The following MTUS1 variants were observed in gnomAD, a reference collection of about 807,000 sequenced individuals.
MTUS1 encodes the protein microtubule-associated tumor suppressor 1.
In MTUS1, 109 loss-of-function variants were observed where a neutral mutation model predicts 120.8. The observed-to-expected ratio is 0.90, with a 90% confidence interval of 0.77 to 1.06. The LOEUF is 1.06. Ranked by LOEUF, MTUS1 falls within the 50% of genes least tolerant of loss-of-function variation. MTUS1 has a pLI of 0.00. For missense variants in MTUS1, 2,210 were observed against 1,486.3 expected (o/e 1.49, Z -8.01); for synonymous variants, 737 against 550.5 (o/e 1.34, Z -4.74).
rs555658015 is a variant in MTUS1 at position 17,666,032 on chromosome 8, C to T, written c.2905+9154G>A. 1.5e-4 allele frequency among the ~76,000 whole-genome samples: 22 copies of T among 151,184 alleles called. 1 individual carries two copies. The highest frequency in any genetic ancestry group is 6.3e-4 in the South Asian group (3 of 4,784). On this transcript the variant is annotated intron_variant, in intron 8 of 14. Coordinates refer to ENST00000693296, the MANE Select transcript of MTUS1 (RefSeq NM_001363059.2). ...CCTCCCACCCTTGAAGAGAAGCCTG[C>T]AAAGGCCATTTGCTGTTTTTCAGCT...
At position 17,684,363 on chromosome 8, in the gene MTUS1, C is replaced by A. The variant is rs1169849617; in HGVS notation, c.2803G>T (p.Ala935Ser). 6.2e-7 allele frequency: 1 copy of A among 1,614,168 alleles called. No homozygotes were observed. The highest frequency in any genetic ancestry group is 8.5e-7 in the Non-Finnish European group (1 of 1,180,006). ...LLACGNTKFE[A>S]LTVVIQHLLS... ...AGGTGCTGAATCACAACTGTCAATG[C>A]CTCAAACTTGGTATTACCACAGGCA... is the stretch of plus-strand genomic sequence containing the variant. Residue 935 changes from alanine (A) to serine (S), a missense_variant, in exon 7 of 15, where the codon GCA (alanine) becomes TCA (serine). By Grantham distance (99) the Ala-to-Ser change is moderately conservative (BLOSUM62 1). Coordinates refer to ENST00000693296, the MANE Select transcript of MTUS1 (RefSeq NM_001363059.2).
chr8:17,745,006 C>T (rs1424338757), intron 2 of MTUS1, among the ~76,000 whole-genome samples: 1 of 152,184 alleles, frequency 6.6e-6, no homozygotes, highest in African/African-American at 2.4e-5. Flanking sequence ...GTAACCCAAA[C>T]ACCTAGGCAC....
rs17689740 is a variant in MTUS1 at position 17,645,807 on chromosome 8, T to G, written c.*119A>C. ...ATTCCGCCGGTGGTGACGCTCCAGT[T>G]ACCCTACGGTGATCACACGTGTGCT... On this transcript the variant is annotated 3_prime_UTR_variant, in exon 15 of 15. Transcript: ENST00000693296. The G allele has an allele frequency of 0.07, 91,788 of 1,307,402 alleles. 3,555 individuals carry two copies. Among genetic ancestry groups the G allele is most frequent in the Non-Finnish European group, 0.076 (75,633 of 1,000,594 alleles). The allele number at this position is 1,307,402 out of a possible 1,614,324, so 81.0% of individuals were successfully genotyped here.
At chr8:17,657,206 A>G (rs73200127) in intron 8 of MTUS1, among the ~76,000 whole-genome samples, 1,692 of 149,120 alleles carry the variant, frequency 0.011, 14 homozygotes, top group Middle Eastern at 0.041. Context: ...TATCTTAGGG[A>G]AAAAAAAACA....
chr8:17,675,920 C>A, intron 7 of MTUS1: 1 of 197,114 alleles, frequency 5.1e-6, no homozygotes, highest in South Asian at 1.5e-4. Context: ...CAAGTATCAA[C>A]CTTGAGCTGA....
chr8:17,799,729 TA>T (rs1458815221), intron 1 of MTUS1, among the ~76,000 whole-genome samples: 6 of 152,188 alleles, frequency 3.9e-5, no homozygotes. Context: ...CATGATTTTC[TA>T]CCAAGCAGAT....
chr8:17,736,080 C>G (rs1341259500), intron 3 of MTUS1, among the ~76,000 whole-genome samples: 1 of 152,126 alleles, frequency 6.6e-6, no homozygotes. Flanking sequence ...AGTACACTGC[C>G]CAACACAGAG....
chr8:17,688,714 AT>A (rs1366458901), intron 6 of MTUS1, among the ~76,000 whole-genome samples: 1 of 152,228 alleles, frequency 6.6e-6, no homozygotes, highest in Non-Finnish European at 1.5e-5. Context: ...TAAAGTTACC[AT>A]TCATGTCAAT....
At position 17,743,585 on chromosome 8, in the gene MTUS1, T is replaced by TG; in HGVS notation, c.2287+18dup. 6.2e-7 allele frequency: 1 copy of TG among 1,602,164 alleles called. No individual in the cohort carries two copies. The highest frequency in any genetic ancestry group is 8.5e-7 in the Non-Finnish European group (1 of 1,172,990). On this transcript the variant is annotated intron_variant, in intron 3 of 14. Coordinates refer to ENST00000693296, the MANE Select transcript of MTUS1 (RefSeq NM_001363059.2). Reference sequence around the variant, plus strand: ...TACATTCAATTAACTCATAAACTATTGAACTATTTTATTCTTACCAGAACT... The same window carrying TG: ...TACATTCAATTAACTCATAAACTATTGGAACTATTTTATTCTTACCAGAACT...
In MTUS1 at chr8:17,756,237, C is replaced by T. The variant is rs545952818; in HGVS notation, c.-154-276G>A. On this transcript the variant is annotated intron_variant, in intron 1 of 14. Coordinates refer to ENST00000693296, the MANE Select transcript of MTUS1 (RefSeq NM_001363059.2). ...CTTTATAACTGATATGCCTCTCCCC[C>T]ACTCCCAGGGACTTGTCAAAGAGAG... 1.1e-4 allele frequency among the ~76,000 whole-genome samples: 17 copies of T among 152,296 alleles called. No homozygotes were observed. In the South Asian group the frequency reaches 2.7e-3, roughly 24 times the overall value.
chr8:17,735,424 C>T (rs2046858680), intron 3 of MTUS1, among the ~76,000 whole-genome samples: 1 of 152,300 alleles, frequency 6.6e-6, no homozygotes, highest in East Asian at 1.9e-4. Context: ...ATGTAGCACT[C>T]GTGCAAGTTT....
At chr8:17,661,784 G>T (rs542666023) in intron 8 of MTUS1, among the ~76,000 whole-genome samples, 1 of 152,296 alleles carries the variant, frequency 6.6e-6, no homozygotes, top group Non-Finnish European at 1.5e-5. Context: ...ATAGTCCAAA[G>T]CAGCAGGCCC....
intron 4 of MTUS1, chr8:17,722,714 T>C: frequency 9.5e-6 from 2 of 209,542 alleles, no homozygotes; most frequent in Non-Finnish European, 1.7e-5. Context: ...AGTGACAACA[T>C]CTCTGAGCCT....
chr8:17,722,222 G>T, intron 4 of MTUS1: 2 of 1,003,924 alleles, frequency 2.0e-6, no homozygotes, highest in Non-Finnish European at 2.4e-6. Context: ...ACACAGTACT[G>T]AAACGGTGGC....
At chr8:17,658,061 A>ACACACACACACACT in intron 8 of MTUS1, among the ~76,000 whole-genome samples, 1 of 147,650 alleles carries the variant, frequency 6.8e-6, no homozygotes, top group Non-Finnish European at 1.5e-5. Flanking sequence ...ACACACACAC[A>ACACACACACACACT]GAGTCTTGCT....
intron 8 of MTUS1, among the ~76,000 whole-genome samples, 188 bp from the exon 9 acceptor site, chr8:17,656,253 C>T (rs1462886105): frequency 7.9e-5 from 12 of 152,090 alleles, no homozygotes; most frequent in East Asian, 7.7e-4. Flanking sequence ...GAGGGCAGGG[C>T]GCAGTGGCTC....
chr8:17,650,633 C>G (rs575736337), intron 12 of MTUS1, among the ~76,000 whole-genome samples: 2 of 152,270 alleles, frequency 1.3e-5, no homozygotes, highest in African/African-American at 2.4e-5. Context: ...TCAACTGAGC[C>G]AGGAGGTCAA....
At chr8:17,650,375 C>T (rs1017170824) in intron 12 of MTUS1, among the ~76,000 whole-genome samples, 5 of 152,160 alleles carry the variant, frequency 3.3e-5, no homozygotes, top group African/African-American at 7.2e-5. Flanking sequence ...GTGCATTATA[C>T]GGCTCTCTGG....
intron 3 of MTUS1, among the ~76,000 whole-genome samples, chr8:17,738,198 C>A (rs917185996): frequency 3.3e-5 from 5 of 152,292 alleles, no homozygotes; most frequent in African/African-American, 1.2e-4. Context: ...TTTCAGGAGG[C>A]CTTTCTTCAC....
Sources: gnomAD v4.1 joint callset for allele counts (sites outside exome capture counted in the v4.1 genomes callset) on GRCh38, gnomAD v4.1.1 for gene constraint, MANE v1.5 for transcripts, NCBI Gene and HGNC (gene_info 2026-07-23, HGNC 2026-07-21) for gene names.